Variants in GLT8D2 observed in about 807,000 individuals in gnomAD.
GLT8D2 encodes the protein glycosyltransferase 8 domain containing 2.
A neutral mutation model predicts 44.5 loss-of-function variants in GLT8D2; 45 were observed. That is an observed-to-expected ratio of 1.01 (90% confidence interval 0.80 to 1.30). The LOEUF (loss-of-function observed/expected upper bound fraction) is 1.30. Ranked by LOEUF, GLT8D2 falls within the 50% of genes most tolerant of loss-of-function variation. GLT8D2 has a pLI of 0.00. For missense variants in GLT8D2, 400 were observed against 430.4 expected, an observed-to-expected ratio of 0.93 and a Z score of 0.62; for synonymous variants, 156 against 157.2, an observed-to-expected ratio of 0.99 and a Z score of 0.06.
At chr12:104,023,090 C>T (rs1019471493) in intron 1 of GLT8D2, among the ~76,000 whole-genome samples, 3 of 152,144 alleles carry the variant, frequency 2.0e-5, no homozygotes, top group African/African-American at 4.8e-5. Flanking sequence ...TGGATTTACA[C>T]GTATTTCCTA....
intron 4 of GLT8D2, among the ~76,000 whole-genome samples, chr12:104,010,687 G>C (rs1418039960): frequency 1.3e-5 from 2 of 152,168 alleles, no homozygotes; most frequent in Admixed American, 6.5e-5. Context: ...ATCTCTATTT[G>C]AGCACTTGCC....
At chr12:104,015,436 A>ACAC (rs1555278722) in intron 3 of GLT8D2, among the ~76,000 whole-genome samples, 13 of 148,338 alleles carry the variant, frequency 8.8e-5, no homozygotes, top group South Asian at 6.4e-4. Flanking sequence ...ACACACACAC[A>ACAC]AATTAGCTGG....
At chr12:104,042,687 T>C (rs575341600) in intron 1 of GLT8D2, among the ~76,000 whole-genome samples, 3 of 152,292 alleles carry the variant, frequency 2.0e-5, no homozygotes, top group Admixed American at 2.0e-4. Context: ...TCCTATCTTC[T>C]GGCTTCCCTG....
chr12:104,026,457 C>T (rs1236743838), intron 1 of GLT8D2, among the ~76,000 whole-genome samples: 3 of 152,074 alleles, frequency 2.0e-5, no homozygotes, highest in Admixed American at 2.0e-4. Flanking sequence ...AAGGCTAAGA[C>T]ACCCTCCCTC....
Position 104,014,963 on chromosome 12 carries a change from C to A in GLT8D2, c.112+50G>T, listed in dbSNP as rs1876360364. ...TTGAAAGGACCTAGAGGAACATATT[C>A]AAACCACATTCCTGGGTATCCCAAC... is the stretch of plus-strand genomic sequence containing the variant. On this transcript the variant is annotated intron_variant, in intron 4 of 10. Coordinates refer to ENST00000360814, the MANE Select transcript of GLT8D2 (RefSeq NM_001384711.1). The A allele has an allele frequency of 2.2e-6, 3 of 1,358,338 alleles. No individual in the cohort carries two copies. The African/African-American group carries it at 4.3e-5, about 19-fold the overall frequency. 84.1% of individuals were successfully genotyped at this position (1,358,338 alleles called of 1,614,324 possible).
At chr12:104,012,170 CAAAAAA>C (rs10571369) in intron 4 of GLT8D2, among the ~76,000 whole-genome samples, 7 of 83,242 alleles carry the variant, frequency 8.4e-5, no homozygotes, top group South Asian at 4.7e-4. Flanking sequence ...AACTCTGTCT[CAAAAAA>C]AAAAAAAAAA....
chr12:104,015,437 A>ACACACAT (rs1373206430), intron 3 of GLT8D2, among the ~76,000 whole-genome samples: 1 of 80,924 alleles, frequency 1.2e-5, no homozygotes, highest in African/African-American at 3.5e-5. Context: ...CACACACACA[A>ACACACAT]ATTAGCTGGG....
At chr12:104,039,191 T>C (rs1289091026) in intron 1 of GLT8D2, among the ~76,000 whole-genome samples, 6 of 151,824 alleles carry the variant, frequency 4.0e-5, no homozygotes, top group South Asian at 4.2e-4. Context: ...CCATAAAAAC[T>C]CTAGAAGAAA....
At chr12:104,042,344 C>T (rs1880653252) in intron 1 of GLT8D2, among the ~76,000 whole-genome samples, 1 of 152,212 alleles carries the variant, frequency 6.6e-6, no homozygotes, top group South Asian at 2.1e-4. Flanking sequence ...TCAAGAGCTA[C>T]ACAGAATGGT....
intron 5 of GLT8D2, among the ~76,000 whole-genome samples, chr12:104,001,487 G>C (rs1874211393): frequency 6.6e-6 from 1 of 152,128 alleles, no homozygotes; most frequent in African/African-American, 2.4e-5. Flanking sequence ...TACCAACTTA[G>C]AAAATGCACA....
chr12:103,999,387 C>A lies in GLT8D2; in HGVS notation c.402+10G>T. ...GGACTGTCCCCAGCACCTGTGTGGT[C>A]CCTACTTACAGGCTGGAGCAATTCA... On this transcript the variant is annotated intron_variant, in intron 6 of 10. Transcript: ENST00000360814. The A allele has an allele frequency of 6.7e-7, 1 of 1,495,988 alleles. No homozygotes were observed. The highest frequency in any genetic ancestry group is 9.3e-7 in the Non-Finnish European group (1 of 1,072,196). 92.7% of individuals were successfully genotyped at this position (1,495,988 alleles called of 1,614,324 possible).
At chr12:104,036,558 A>G (rs7953041) in intron 1 of GLT8D2, among the ~76,000 whole-genome samples, 39,938 of 152,144 alleles carry the variant, frequency 0.26, 6,313 homozygotes, top group Non-Finnish European at 0.34. Flanking sequence ...ATCAAAACAG[A>G]CAAAGAAGGC....
chr12:104,036,308 C>CA (rs1879923000), intron 1 of GLT8D2, among the ~76,000 whole-genome samples: 1 of 152,154 alleles, frequency 6.6e-6, no homozygotes, highest in East Asian at 1.9e-4. Flanking sequence ...TCACACATAA[C>CA]AATATTAACC....
intron 1 of GLT8D2, among the ~76,000 whole-genome samples, chr12:104,047,597 T>C (rs1881311314): frequency 6.6e-6 from 1 of 152,168 alleles, no homozygotes; most frequent in Admixed American, 6.5e-5. Context: ...TGAGCCGCTG[T>C]GCCCAGCCTC....
chr12:104,051,380 A>G (rs1229991596), upstream of GLT8D2, among the ~76,000 whole-genome samples: 1 of 152,196 alleles, frequency 6.6e-6, no homozygotes, highest in Non-Finnish European at 1.5e-5. Flanking sequence ...AATATATACA[A>G]GATGTTATCA....
intron 6 of GLT8D2, 117 bp from the exon 7 acceptor site, chr12:103,997,652 G>T: frequency 1.4e-6 from 1 of 702,176 alleles, no homozygotes; most frequent in Non-Finnish European, 2.5e-6. Context: ...GTTTGGAGCG[G>T]AATAAAACAG....
chr12:104,045,276 C>T (rs962700601), intron 1 of GLT8D2, among the ~76,000 whole-genome samples: 4 of 152,224 alleles, frequency 2.6e-5, no homozygotes, highest in African/African-American at 7.2e-5. Context: ...CTTCCTGCTA[C>T]TGTCACAACA....
intron 1 of GLT8D2, among the ~76,000 whole-genome samples, chr12:104,037,254 C>T (rs1193118654): frequency 6.6e-6 from 1 of 152,150 alleles, no homozygotes; most frequent in African/African-American, 2.4e-5. Context: ...ATTAAAATAA[C>T]TAGAGAAGCA....
chr12:104,051,666 A>G (rs1881739846), upstream of GLT8D2, among the ~76,000 whole-genome samples: 1 of 151,936 alleles, frequency 6.6e-6, no homozygotes, highest in Non-Finnish European at 1.5e-5. Flanking sequence ...CTACACTAGA[A>G]CCTATTCCTC....
Sources: allele counts gnomAD v4.1 joint callset (sites outside exome capture counted in the v4.1 genomes callset), GRCh38; gene constraint gnomAD v4.1.1; transcripts MANE v1.5; gene names NCBI Gene and HGNC (gene_info 2026-07-23, HGNC 2026-07-21).